The following SV2C variants were observed in gnomAD, a reference collection of about 807,000 sequenced individuals.
The protein encoded by SV2C is synaptic vesicle glycoprotein 2C.
In SV2C, 49 loss-of-function variants were observed where a neutral mutation model predicts 79.7. The observed-to-expected ratio is 0.61, with a 90% confidence interval of 0.49 to 0.78. The LOEUF (loss-of-function observed/expected upper bound fraction) is 0.78. Ranked by LOEUF, SV2C falls within the 30% of genes least tolerant of loss-of-function variation. The pLI is 0.00. For synonymous variants in SV2C, 334 were observed against 333.2 expected (o/e 1.00, Z -0.03); for missense variants, 833 against 912.9 (o/e 0.91, Z 1.13).
chr5:76,159,512 A>G (rs1742837147), intron 2 of SV2C, among the ~76,000 whole-genome samples: 1 of 152,192 alleles, frequency 6.6e-6, no homozygotes, highest in Non-Finnish European at 1.5e-5. Flanking sequence ...TCTTACAGTT[A>G]CAGGGGCTAG....
the SV2C span, among the ~76,000 whole-genome samples, chr5:75,972,184 A>T: frequency 1.3e-5 from 2 of 152,174 alleles, no homozygotes. Context: ...TTCAAGATGG[A>T]TTAAAGATTT....
At chr5:75,900,531 A>AATTATGTGTCT in the SV2C span, among the ~76,000 whole-genome samples, 1 of 152,032 alleles carries the variant, frequency 6.6e-6, no homozygotes, top group Admixed American at 6.6e-5. Flanking sequence ...CGAATCTGAC[A>AATTATGTGTCT]ATTATGTGTC....
At chr5:76,078,579 G>T, upstream of SV2C, 1 of 346,388 alleles carries the variant, frequency 2.9e-6, no homozygotes, top group South Asian at 2.9e-5. Flanking sequence ...ACTCCCGCGG[G>T]CCACAGCCTG....
At chr5:76,125,482 G>C (rs1748675003) in intron 1 of SV2C, among the ~76,000 whole-genome samples, 1 of 152,096 alleles carries the variant, frequency 6.6e-6, no homozygotes, top group Non-Finnish European at 1.5e-5. Flanking sequence ...CTGCTCACTG[G>C]TGTCATGCTG....
At chr5:76,287,942 G>C (rs1044050178) in intron 6 of SV2C, among the ~76,000 whole-genome samples, 4 of 152,110 alleles carry the variant, frequency 2.6e-5, no homozygotes, top group African/African-American at 9.7e-5. Flanking sequence ...AAAATCAGCT[G>C]GGTGTGATGG....
the SV2C span, among the ~76,000 whole-genome samples, chr5:75,866,848 A>C: frequency 1.4e-4 from 22 of 152,326 alleles, no homozygotes; most frequent in Admixed American, 1.4e-3. Context: ...AAAATAAGAC[A>C]GTGAGTCATT....
chr5:76,177,648 A>G (rs569083318), intron 2 of SV2C, among the ~76,000 whole-genome samples: 1 of 152,288 alleles, frequency 6.6e-6, no homozygotes, highest in Admixed American at 6.5e-5. Context: ...GCTATTCCAG[A>G]TATGTGTTAT....
the SV2C span, among the ~76,000 whole-genome samples, chr5:75,861,581 A>G: frequency 3.8e-4 from 58 of 152,332 alleles, 1 homozygote; most frequent in South Asian, 0.012. Context: ...CTAGGTGCCC[A>G]TGAGTGGTGG....
chr5:75,883,600 C>T, the SV2C span, among the ~76,000 whole-genome samples: 1 of 145,506 alleles, frequency 6.9e-6, no homozygotes, highest in Non-Finnish European at 1.5e-5. Context: ...AAAAACCCAA[C>T]ACCGCATATT....
At chr5:76,034,858 G>A in the SV2C span, among the ~76,000 whole-genome samples, 675 of 152,206 alleles carry the variant, frequency 4.4e-3, 6 homozygotes, top group African/African-American at 0.015. Flanking sequence ...GGTAGAATTC[G>A]GCTGTGAATC....
At chr5:76,014,368 T>C in the SV2C span, among the ~76,000 whole-genome samples, 5 of 151,992 alleles carry the variant, frequency 3.3e-5, no homozygotes, top group Admixed American at 2.6e-4. Context: ...AAAGCCCCAC[T>C]GCAAAATTTC....
At chr5:76,073,503 G>GCATATA in the SV2C span, among the ~76,000 whole-genome samples, 5 of 67,412 alleles carry the variant, frequency 7.4e-5, no homozygotes, top group Non-Finnish European at 1.1e-4. Flanking sequence ...GTATGTGTGT[G>GCATATA]TATATATATA....
At chr5:75,961,963 G>A in the SV2C span, among the ~76,000 whole-genome samples, 1 of 152,034 alleles carries the variant, frequency 6.6e-6, no homozygotes, top group African/African-American at 2.4e-5. Context: ...GGAATCCACA[G>A]CTTAATCTGT....
intron 12 of SV2C, among the ~76,000 whole-genome samples, chr5:76,351,843 G>A (rs1749648064): frequency 6.6e-6 from 1 of 152,172 alleles, no homozygotes; most frequent in South Asian, 2.1e-4. Context: ...CAAGCTCAGT[G>A]CATGCAAATA....
chr5:76,156,160 A>C (rs777900522), intron 2 of SV2C, among the ~76,000 whole-genome samples: 2 of 152,070 alleles, frequency 1.3e-5, no homozygotes, highest in Non-Finnish European at 2.9e-5. Context: ...ATTTGATTGA[A>C]TCAATCTAGG....
chr5:76,163,902 G>T (rs554169794), intron 2 of SV2C, among the ~76,000 whole-genome samples: 4 of 152,308 alleles, frequency 2.6e-5, no homozygotes, highest in African/African-American at 9.6e-5. Flanking sequence ...CAAATGCAAA[G>T]ATAAATGTCT....
At chr5:76,126,807 G>A (rs1019384958) in intron 1 of SV2C, among the ~76,000 whole-genome samples, 3 of 152,154 alleles carry the variant, frequency 2.0e-5, no homozygotes, top group East Asian at 1.9e-4. Flanking sequence ...CCACAAAAAC[G>A]TGGCAGATGT....
intron 4 of SV2C, among the ~76,000 whole-genome samples, chr5:76,262,165 G>A (rs895758004): frequency 1.3e-5 from 2 of 152,122 alleles, no homozygotes; most frequent in Non-Finnish European, 2.9e-5. Context: ...TTTAGACTTG[G>A]GAGGGTGTAT....
At chr5:76,242,309 A>G in intron 4 of SV2C, 10 of 1,466,532 alleles carry the variant, frequency 6.8e-6, no homozygotes, top group Non-Finnish European at 9.4e-6. Context: ...GGCGGCAGCG[A>G]CGGCAGCGGG....
Sources: allele counts gnomAD v4.1 joint callset (sites outside exome capture counted in the v4.1 genomes callset), GRCh38; gene constraint gnomAD v4.1.1; transcripts MANE v1.5; gene names NCBI Gene and HGNC (gene_info 2026-07-23, HGNC 2026-07-21).